Variants in CACNG4 observed in about 807,000 individuals in gnomAD.
CACNG4 encodes calcium voltage-gated channel auxiliary subunit gamma 4, also known as voltage-dependent calcium channel gamma-4 subunit.
Under a neutral mutation model 22.9 loss-of-function variants are expected in CACNG4, and 8 were observed. That is an observed-to-expected ratio of 0.35 (90% confidence interval 0.21 to 0.63). The LOEUF is 0.63. CACNG4 is among the 30% of genes least tolerant of loss of function. The pLI, the probability that CACNG4 is intolerant of heterozygous loss-of-function variation, is 0.72. For missense variants in CACNG4, 357 were observed against 455.4 expected, an observed-to-expected ratio of 0.78 and a Z score of 1.97; for synonymous variants, 188 against 191.9, an observed-to-expected ratio of 0.98 and a Z score of 0.17.
At position 66,966,235 on chromosome 17, in the gene CACNG4, G is replaced by A. The variant is rs773057078; in HGVS notation, c.220+1104G>A. Among the ~76,000 whole-genome samples, 22 of 152,360 alleles carry A rather than the reference G, an allele frequency of 1.4e-4. No homozygotes were observed. In the South Asian group the frequency reaches 3.9e-3, roughly 27 times the overall value. ...TTGAACTAACAGGTGGCTGGGGAGG[G>A]GCCACCTGGTCCCAGCAAGGTTGGG... On this transcript the variant is annotated intron_variant, in intron 1 of 3. Transcript: ENST00000262138.
At position 66,991,465 on chromosome 17, in the gene CACNG4, G is replaced by A. The variant is rs78401443; in HGVS notation, c.220+26334G>A. On this transcript the variant is annotated intron_variant, in intron 1 of 3. Transcript: ENST00000262138. ...CTCCTAGTGCTGAGCAAAGCAGTGG[G>A]GCAGGGGGCTATGCAGGTCGGTGGC... Among the ~76,000 whole-genome samples the A allele has an allele frequency of 5.8e-3, 889 of 152,314 alleles. 5 individuals are homozygous for A. The highest frequency in any genetic ancestry group is 0.02 in the African/African-American group (845 of 41,556).
intron 1 of CACNG4, among the ~76,000 whole-genome samples, chr17:66,980,794 T>C (rs2035267644): frequency 6.6e-6 from 1 of 151,768 alleles, no homozygotes; most frequent in South Asian, 2.1e-4. Flanking sequence ...AATGTTTGTA[T>C]TTTCAGTAGA....
In CACNG4 at chr17:67,031,809, C is replaced by T. The variant is rs762905721; in HGVS notation, c.*805C>T. On this transcript the variant is annotated 3_prime_UTR_variant, in exon 4 of 4. Transcript: ENST00000262138. The surrounding 1 kb of genome is among the most constrained non-coding windows in gnomAD (Gnocchi z 4.0). ...CCATCGGTCAGGGGAATGGCGGCCA[C>T]GTGACCTCTTGCCGTGCCCCTTGTC... 35 of 456,606 alleles carry T rather than the reference C, an allele frequency of 7.7e-5. No homozygotes were observed. Among genetic ancestry groups the T allele is most frequent in the South Asian group, 4.3e-4 (28 of 64,578 alleles). The allele number at this position is 456,606 out of a possible 1,614,324, so 28.3% of individuals were successfully genotyped here.
chr17:67,018,755 C>G (rs948217357), intron 2 of CACNG4, among the ~76,000 whole-genome samples: 2 of 152,176 alleles, frequency 1.3e-5, no homozygotes, highest in Admixed American at 6.5e-5. Context: ...AAGACAGCCT[C>G]TTGGGGTGCT....
At position 66,994,734 on chromosome 17, in the gene CACNG4, G is replaced by A. The variant is rs574888111; in HGVS notation, c.221-23455G>A. On this transcript the variant is annotated intron_variant, in intron 1 of 3. Coordinates refer to ENST00000262138, the MANE Select transcript of CACNG4 (RefSeq NM_014405.4). ...GTCCCTATCTTCTGGATTTTCAGGA[G>A]GATTCACTGATGTAACAGCAACATC... 5.2e-4 allele frequency among the ~76,000 whole-genome samples: 79 copies of A among 152,334 alleles called. 1 individual carries two copies. Among genetic ancestry groups the A allele is most frequent in the African/African-American group, 1.9e-3 (78 of 41,582 alleles).
chr17:66,994,096 C>A (rs933088660), intron 1 of CACNG4, among the ~76,000 whole-genome samples: 4 of 151,860 alleles, frequency 2.6e-5, no homozygotes, highest in Non-Finnish European at 5.9e-5. Flanking sequence ...TTTGGGAGGC[C>A]GAGGTGAGAG....
At position 67,030,843 on chromosome 17, in the gene CACNG4, T is replaced by C. The variant is rs1567761508; in HGVS notation, c.823T>C (p.Ser275Pro). 6.2e-7 allele frequency: 1 copy of C among 1,613,734 alleles called. No homozygotes were observed. The highest frequency in any genetic ancestry group is 1.7e-5 in the Admixed American group (1 of 60,016). Residue 275 changes from serine to proline, a missense_variant, in exon 4 of 4, where the codon TCC (serine) becomes CCC (proline). By Grantham distance (74) the Ser-to-Pro change is moderately conservative. This residue lies in a region of CACNG4 where 240 missense variants were observed against 277.6 expected (regional missense o/e 0.86). Transcript: ENST00000262138. This position sits in a 1 kb window ranked among gnomAD's most constrained non-coding sequence, Gnocchi z 6.4. ...ITGAIPMGEL[S>P]MYTLSREPLK... ...AGGGGCCATCCCCATGGGGGAGCTG[T>C]CCATGTACACGCTGTCCAGGGAGCC...
intron 1 of CACNG4, among the ~76,000 whole-genome samples, chr17:66,994,609 T>C (rs2035362555): frequency 6.6e-6 from 1 of 152,198 alleles, no homozygotes; most frequent in African/African-American, 2.4e-5. Context: ...GTAGAAAGCA[T>C]GCCCTTTGGA....
intron 1 of CACNG4, among the ~76,000 whole-genome samples, chr17:66,966,065 A>C (rs1005464914): frequency 6.6e-6 from 1 of 152,176 alleles, no homozygotes; most frequent in African/African-American, 2.4e-5. Context: ...AGTAGGTGTC[A>C]TGAGGCTGGA....
intron 1 of CACNG4, among the ~76,000 whole-genome samples, chr17:66,985,001 G>A (rs548736060): frequency 2.6e-5 from 4 of 152,224 alleles, no homozygotes; most frequent in East Asian, 3.9e-4. Flanking sequence ...GGGTGGCAGG[G>A]GACTGACATG....
intron 1 of CACNG4, among the ~76,000 whole-genome samples, chr17:67,002,459 G>T (rs1284698282): frequency 6.6e-6 from 1 of 152,148 alleles, no homozygotes; most frequent in Non-Finnish European, 1.5e-5. Flanking sequence ...TTGGTATCTG[G>T]CTGCCCTGGA....
In CACNG4 at chr17:67,010,623, CT is replaced by C. The variant is rs200431026; in HGVS notation, c.221-7563del. 1.1e-3 allele frequency among the ~76,000 whole-genome samples: 175 copies of C among 152,304 alleles called. 3 individuals are homozygous for C. The East Asian group carries it at 0.032, about 28-fold the overall frequency. ...TCACTCTTATCATGAGGACAGAGCT[CT>C]TTCATGCCCCCATCACCTATCAGCC... is the stretch of plus-strand genomic sequence containing the variant. On this transcript the variant is annotated intron_variant, in intron 1 of 3. Coordinates refer to ENST00000262138, the MANE Select transcript of CACNG4 (RefSeq NM_014405.4).
chr17:67,029,398 G>A lies in CACNG4; in HGVS notation c.446-1068G>A, dbSNP rs552303950. ...TGTAATCCCAGCCCTTTGGGAGGCC[G>A]AGGCAGGTGGATCATGAGGCCAGGG... On this transcript the variant is annotated intron_variant, in intron 3 of 3. Coordinates refer to ENST00000262138, the MANE Select transcript of CACNG4 (RefSeq NM_014405.4). Among the ~76,000 whole-genome samples the A allele has an allele frequency of 7.2e-5, 11 of 152,236 alleles. No homozygotes were observed. The East Asian group carries it at 1.7e-3, about 24-fold the overall frequency.
chr17:66,982,981 A>C (rs2035285735), intron 1 of CACNG4, among the ~76,000 whole-genome samples: 1 of 152,226 alleles, frequency 6.6e-6, no homozygotes. Flanking sequence ...TCCATGGTGT[A>C]GATGCAGAAA....
chr17:66,989,644 T>TGCCGAATTAACC (rs2035326852), intron 1 of CACNG4, among the ~76,000 whole-genome samples: 1 of 151,610 alleles, frequency 6.6e-6, no homozygotes, highest in South Asian at 2.1e-4. Context: ...TGCAAATAAC[T>TGCCGAATTAACC]GCCGAATTAA....
intron 1 of CACNG4, among the ~76,000 whole-genome samples, chr17:67,012,147 G>A (rs2035472084): frequency 6.6e-6 from 1 of 152,200 alleles, no homozygotes; most frequent in Non-Finnish European, 1.5e-5. Flanking sequence ...GGAATCAAGA[G>A]GCTGGATTCC....
intron 1 of CACNG4, among the ~76,000 whole-genome samples, chr17:66,981,959 G>A (rs1220676713): frequency 6.6e-6 from 1 of 152,110 alleles, no homozygotes; most frequent in Non-Finnish European, 1.5e-5. Context: ...TTAGAGATAC[G>A]GTCTCACTCT....
chr17:66,982,403 T>C (rs34724455), intron 1 of CACNG4, among the ~76,000 whole-genome samples: 50,599 of 151,838 alleles, frequency 0.33, 9,341 homozygotes, highest in Non-Finnish European at 0.42. Context: ...TGGTGTGTTT[T>C]TACAGAGTAC....
intron 1 of CACNG4, among the ~76,000 whole-genome samples, chr17:66,981,428 G>T (rs2035271993): frequency 6.6e-6 from 1 of 151,968 alleles, no homozygotes; most frequent in Non-Finnish European, 1.5e-5. Flanking sequence ...AGTTTTTTTG[G>T]GTTCTTCTTT....
Sources: gnomAD v4.1 joint callset for allele counts (sites outside exome capture counted in the v4.1 genomes callset) on GRCh38, gnomAD v4.1.1 for gene constraint, gnomAD v4.1.1 regional missense constraint, Gnocchi (gnomAD v3.1) non-coding constraint, MANE v1.5 for transcripts, NCBI Gene and HGNC (gene_info 2026-07-23, HGNC 2026-07-21) for gene names.